UPK1B: variants seen among roughly 807,000 people sequenced by gnomAD.
UPK1B encodes uroplakin-1b.
UPK1B carries 28 observed loss-of-function variants against 34.2 expected under a neutral mutation model. The ratio of observed to expected loss-of-function variants is 0.82; its 90% CI spans 0.61 to 1.12. The LOEUF (loss-of-function observed/expected upper bound fraction) is 1.12, where lower values mean the gene tolerates loss of function less well. Among genes scored for constraint, UPK1B ranks in the 50% most tolerant of loss-of-function variants. The probability of loss-of-function intolerance (pLI) is 0.00; values close to 1 mark genes in which losing one functional copy is unlikely to be tolerated. For missense variants in UPK1B, 325 were observed against 320.9 expected, an observed-to-expected ratio of 1.01 and a Z score of -0.10; for synonymous variants, 81 against 110.4, an observed-to-expected ratio of 0.73 and a Z score of 1.67.
At chr3:119,190,923 C>T in intron 4 of UPK1B, 59 bp from the exon 5 acceptor site, 3 of 1,597,676 alleles carry the variant, frequency 1.9e-6, no homozygotes, top group Non-Finnish European at 2.6e-6. Flanking sequence ...AAAATATTTT[C>T]CTCTCCTTGA....
intron 6 of UPK1B, among the ~76,000 whole-genome samples, chr3:119,195,484 G>C (rs917342206): frequency 1.3e-5 from 2 of 152,212 alleles, no homozygotes; most frequent in Non-Finnish European, 2.9e-5. Flanking sequence ...AAAGGGCATG[G>C]GAGTGTTCTA....
chr3:119,185,690 G>A lies in UPK1B; in HGVS notation c.-28-1024G>A, dbSNP rs1205683977. ...TACATATCTTTGTATGCCTCAGAATGCATATTGAACCATTTAATACATTTT... is the reference window on the plus strand; with the variant it reads ...TACATATCTTTGTATGCCTCAGAATACATATTGAACCATTTAATACATTTT... On this transcript the variant is annotated intron_variant, in intron 1 of 7. Coordinates refer to ENST00000264234, the MANE Select transcript of UPK1B (RefSeq NM_006952.4). 3.9e-5 allele frequency among the ~76,000 whole-genome samples: 6 copies of A among 152,268 alleles called. No homozygotes were observed. In the East Asian group the frequency reaches 1.2e-3, roughly 29 times the overall value.
At chr3:119,192,039 C>T (rs574093118) in intron 5 of UPK1B, among the ~76,000 whole-genome samples, 2 of 152,280 alleles carry the variant, frequency 1.3e-5, no homozygotes, top group East Asian at 1.9e-4. Context: ...TGTCCTACCC[C>T]ATTCCAAAGA....
chr3:119,176,028 C>T (rs1303518077), intron 1 of UPK1B: 1 of 152,168 alleles, frequency 6.6e-6, no homozygotes, highest in Non-Finnish European at 1.5e-5. Context: ...TGAAGCAGAC[C>T]AGCAATTGTT....
At chr3:119,185,116 C>T (rs995938070) in intron 1 of UPK1B, among the ~76,000 whole-genome samples, 1 of 152,302 alleles carries the variant, frequency 6.6e-6, no homozygotes, top group South Asian at 2.1e-4. Context: ...TACACAGAGA[C>T]GCAATGGCCC....
chr3:119,187,738 G>T, intron 2 of UPK1B, 37 bp from the exon 3 acceptor site: 3 of 1,582,648 alleles, frequency 1.9e-6, no homozygotes, highest in Non-Finnish European at 2.6e-6. Flanking sequence ...TCCCAAAGCT[G>T]CACTCCTGAT....
intron 3 of UPK1B, among the ~76,000 whole-genome samples, chr3:119,189,246 C>T (rs1303338684): frequency 6.6e-6 from 1 of 152,188 alleles, no homozygotes; most frequent in Admixed American, 6.5e-5. Context: ...TCTGGGGCCT[C>T]TGAAGGTGCT....
intron 6 of UPK1B, among the ~76,000 whole-genome samples, chr3:119,197,286 T>C (rs1361258273): frequency 6.6e-6 from 1 of 152,152 alleles, no homozygotes; most frequent in Admixed American, 6.5e-5. Flanking sequence ...AAAAATGTTA[T>C]AATAAAATGA....
chr3:119,195,086 C>T (rs1304019989), intron 6 of UPK1B, among the ~76,000 whole-genome samples: 3 of 152,284 alleles, frequency 2.0e-5, no homozygotes, highest in Middle Eastern at 3.4e-3. Flanking sequence ...AGAACTTAGA[C>T]GTAGAGATAC....
In UPK1B at chr3:119,204,707, T is replaced by C. The variant is rs988491455; in HGVS notation, c.*740T>C. The stretch of plus-strand genomic sequence containing the variant: ...GCCTGGCCAACATGGTGAAACCCCG[T>C]CTCTACAAAAATACAAAAATTAGCC... On this transcript the variant is annotated 3_prime_UTR_variant, in exon 8 of 8. Coordinates refer to ENST00000264234, the MANE Select transcript of UPK1B (RefSeq NM_006952.4). The C allele has an allele frequency of 3.9e-5, 6 of 152,194 alleles. No individual in the cohort carries two copies. Among genetic ancestry groups the C allele is most frequent in the African/African-American group, 1.4e-4 (6 of 41,428 alleles). 9.4% of individuals were successfully genotyped at this position (152,194 alleles called of 1,614,324 possible).
intron 1 of UPK1B, among the ~76,000 whole-genome samples, chr3:119,179,595 G>A (rs1335835903): frequency 2.3e-5 from 3 of 131,286 alleles, no homozygotes; most frequent in Non-Finnish European, 3.1e-5. Context: ...CTGCAAGCTC[G>A]GCCTCCCGGG....
At chr3:119,192,893 A>T (rs979902628) in intron 5 of UPK1B, among the ~76,000 whole-genome samples, 2 of 152,120 alleles carry the variant, frequency 1.3e-5, no homozygotes, top group African/African-American at 4.8e-5. Flanking sequence ...CTGTCCTACT[A>T]CTGTTTTGTT....
chr3:119,195,680 T>G (rs1361317817), intron 6 of UPK1B, among the ~76,000 whole-genome samples: 1 of 152,250 alleles, frequency 6.6e-6, no homozygotes, highest in Non-Finnish European at 1.5e-5. Flanking sequence ...CTGGAACTGC[T>G]CATGCAAACA....
At chr3:119,178,772 G>A (rs2077971223) in intron 1 of UPK1B, among the ~76,000 whole-genome samples, 1 of 152,138 alleles carries the variant, frequency 6.6e-6, no homozygotes, top group African/African-American at 2.4e-5. Flanking sequence ...AAAACATGTT[G>A]TCCCAGTAAA....
chr3:119,186,891 G>A (rs1183715651), intron 2 of UPK1B, 81 bp downstream of exon 2: 1 of 1,454,084 alleles, frequency 6.9e-7, no homozygotes. Flanking sequence ...GAGTTTAAAG[G>A]AAAATAATGC....
At chr3:119,195,465 T>C (rs1037046218) in intron 6 of UPK1B, among the ~76,000 whole-genome samples, 1 of 152,232 alleles carries the variant, frequency 6.6e-6, no homozygotes, top group Admixed American at 6.5e-5. Context: ...CTGGATGCAT[T>C]ATTCCAGAAA....
At chr3:119,195,672 G>A (rs2078063606) in intron 6 of UPK1B, among the ~76,000 whole-genome samples, 2 of 152,170 alleles carry the variant, frequency 1.3e-5, no homozygotes, top group Admixed American at 1.3e-4. Flanking sequence ...TTTCAACACT[G>A]GAACTGCTCA....
At chr3:119,187,692 C>T in intron 2 of UPK1B, 83 bp from the exon 3 acceptor site, 1 of 1,432,294 alleles carries the variant, frequency 7.0e-7, no homozygotes, top group Admixed American at 1.7e-5. Context: ...GGAAAGGGAG[C>T]CAGTCACTCT....
chr3:119,175,029 T>A (rs983128338), intron 1 of UPK1B, among the ~76,000 whole-genome samples: 5 of 74,556 alleles, frequency 6.7e-5, no homozygotes, highest in African/African-American at 2.5e-4. Context: ...TTTTTTTTTT[T>A]TTTTTTTTTT....
Sources: allele counts gnomAD v4.1 joint callset (sites outside exome capture counted in the v4.1 genomes callset), GRCh38; gene constraint gnomAD v4.1.1; transcripts MANE v1.5; gene names NCBI Gene and HGNC (gene_info 2026-07-23, HGNC 2026-07-21).